Variants in SHANK2 observed in about 807,000 individuals in gnomAD.
The protein encoded by SHANK2 is SH3 and multiple ankyrin repeat domains 2.
SHANK2 carries 43 observed loss-of-function variants against 133.7 expected under a neutral mutation model. The ratio of observed to expected loss-of-function variants is 0.32; its 90% CI spans 0.25 to 0.41. The LOEUF (loss-of-function observed/expected upper bound fraction) is 0.41, where lower values mean the gene tolerates loss of function less well. Ranked by LOEUF, SHANK2 falls within the 10% of genes least tolerant of loss-of-function variation. The pLI, the probability that SHANK2 is intolerant of heterozygous loss-of-function variation, is 1.00. For missense variants in SHANK2, 1,994 were observed against 2,235.8 expected (o/e 0.89, Z 2.18); for synonymous variants, 1,017 against 952.8 (o/e 1.07, Z -1.24).
intron 17 of SHANK2, among the ~76,000 whole-genome samples, chr11:70,584,419 C>T (rs1231752724): frequency 6.6e-6 from 1 of 152,124 alleles, no homozygotes; most frequent in African/African-American, 2.4e-5. Flanking sequence ...GTAAACAGCT[C>T]ACCTGAGAGC....
chr11:71,090,070 T>C (rs1951479343), intron 8 of SHANK2, among the ~76,000 whole-genome samples: 1 of 145,918 alleles, frequency 6.9e-6, no homozygotes, highest in South Asian at 2.2e-4. Flanking sequence ...TCAGTCAGGG[T>C]TCTACAGAGA....
chr11:70,929,220 A>G (rs569233332), intron 10 of SHANK2, among the ~76,000 whole-genome samples: 1 of 152,258 alleles, frequency 6.6e-6, no homozygotes, highest in Non-Finnish European at 1.5e-5. Context: ...TAGAATGGAG[A>G]GACAGGATGC....
chr11:71,218,714 G>A (rs1017360723), intron 2 of SHANK2, among the ~76,000 whole-genome samples: 12 of 152,082 alleles, frequency 7.9e-5, no homozygotes, highest in Admixed American at 5.9e-4. Context: ...AAGGTCTCTC[G>A]ATGGGAAAGA....
chr11:70,561,511 A>T (rs2059908243), intron 17 of SHANK2, among the ~76,000 whole-genome samples: 1 of 151,436 alleles, frequency 6.6e-6, no homozygotes, highest in Non-Finnish European at 1.5e-5. Context: ...CTGTGAGCTT[A>T]ATCACTTCTT....
chr11:70,666,390 A>G (rs1317866777), intron 15 of SHANK2, among the ~76,000 whole-genome samples: 2 of 151,992 alleles, frequency 1.3e-5, no homozygotes, highest in African/African-American at 4.8e-5. Flanking sequence ...GCAATCAGAC[A>G]GGGGGGTCTC....
At position 70,492,340 on chromosome 11, in the gene SHANK2, T is replaced by G. The variant is rs189238798; in HGVS notation, c.2434A>C (p.Met812Leu). Residue 812 changes from methionine to leucine, a missense_variant, in exon 22 of 26, where the codon ATG becomes CTG. Coordinates refer to ENST00000601538, the MANE Select transcript of SHANK2 (RefSeq NM_012309.5). ...SSRCFPAGSD[M>L]NSVYERQGIA... ...CCCAAGGTACGGCCACTCACGTTCA[T>G]GTCTGAGCCCGCCGGGAAGCACCGG... 4 of 1,611,376 alleles carry G rather than the reference T, an allele frequency of 2.5e-6. No homozygotes were observed. The East Asian group carries it at 8.9e-5, about 36-fold the overall frequency.
At chr11:70,732,681 C>T (rs573363058) in intron 14 of SHANK2, among the ~76,000 whole-genome samples, 13 of 152,230 alleles carry the variant, frequency 8.5e-5, no homozygotes, top group Non-Finnish European at 2.9e-5. Flanking sequence ...CTGCAGTGCC[C>T]CAGCCCATGC....
chr11:70,667,373 C>T (rs1205840645), intron 15 of SHANK2, among the ~76,000 whole-genome samples: 1 of 152,186 alleles, frequency 6.6e-6, no homozygotes, highest in Non-Finnish European at 1.5e-5. Flanking sequence ...TTATGGGATA[C>T]ACTTGGAGCA....
At chr11:71,209,034 G>GA (rs57874513) in intron 2 of SHANK2, among the ~76,000 whole-genome samples, 10 of 152,172 alleles carry the variant, frequency 6.6e-5, no homozygotes, top group Non-Finnish European at 1.0e-4. Flanking sequence ...AATGTCAGGG[G>GA]AAAGGTCAGA....
At chr11:71,167,073 C>G (rs1555111028) in intron 2 of SHANK2, among the ~76,000 whole-genome samples, 1 of 151,636 alleles carries the variant, frequency 6.6e-6, no homozygotes, top group Non-Finnish European at 1.5e-5. Flanking sequence ...TGAGTGGACA[C>G]AGCACATGTT....
At chr11:70,929,267 T>C (rs1950470223) in intron 10 of SHANK2, among the ~76,000 whole-genome samples, 1 of 152,212 alleles carries the variant, frequency 6.6e-6, no homozygotes, top group Non-Finnish European at 1.5e-5. Context: ...AGGCACTTAC[T>C]ACTCAACCTC....
At chr11:71,197,636 C>T (rs993022939) in intron 2 of SHANK2, among the ~76,000 whole-genome samples, 1 of 152,200 alleles carries the variant, frequency 6.6e-6, no homozygotes, top group Admixed American at 6.5e-5. Context: ...CTGAAGAGAA[C>T]CTGGCAGGCA....
intron 11 of SHANK2, among the ~76,000 whole-genome samples, chr11:70,895,806 A>G (rs782090134): frequency 6.6e-6 from 1 of 152,040 alleles, no homozygotes; most frequent in African/African-American, 2.4e-5. Flanking sequence ...TGCTTAGCAC[A>G]TTCTCCAGTT....
chr11:70,940,315 C>T (rs1028554257), intron 10 of SHANK2, among the ~76,000 whole-genome samples: 8 of 139,472 alleles, frequency 5.7e-5, no homozygotes, highest in South Asian at 2.5e-4. Flanking sequence ...GGCGCGATCT[C>T]GGCTTACTGC....
chr11:70,874,590 A>T (rs1555070825), intron 11 of SHANK2, among the ~76,000 whole-genome samples: 1 of 152,054 alleles, frequency 6.6e-6, no homozygotes, highest in African/African-American at 2.4e-5. Flanking sequence ...ATATTTTGAA[A>T]GAATGAATGT....
chr11:70,855,533 C>G (rs1342533285), intron 11 of SHANK2, among the ~76,000 whole-genome samples: 7 of 152,228 alleles, frequency 4.6e-5, no homozygotes, highest in Middle Eastern at 6.3e-3. Context: ...ACCAGGGCAT[C>G]TGCTTTAAAA....
intron 10 of SHANK2, among the ~76,000 whole-genome samples, chr11:70,940,237 C>T (rs868962069): frequency 1.7e-5 from 2 of 114,914 alleles, no homozygotes; most frequent in Admixed American, 8.5e-5. Context: ...CTCCCTTCTT[C>T]TCTCTCTCTC....
At chr11:70,602,373 C>T (rs1362319580) in intron 17 of SHANK2, among the ~76,000 whole-genome samples, 1 of 152,254 alleles carries the variant, frequency 6.6e-6, no homozygotes, top group Non-Finnish European at 1.5e-5. Context: ...CGTGGTAGAG[C>T]TGAACACTTG....
intron 2 of SHANK2, among the ~76,000 whole-genome samples, chr11:71,149,242 C>T (rs1555107395): frequency 6.6e-6 from 1 of 152,196 alleles, no homozygotes; most frequent in Non-Finnish European, 1.5e-5. Flanking sequence ...CTTCCCCCGC[C>T]ACTGGTGTGC....
Sources: allele counts gnomAD v4.1 joint callset (sites outside exome capture counted in the v4.1 genomes callset), GRCh38; gene constraint gnomAD v4.1.1; transcripts MANE v1.5; gene names NCBI Gene and HGNC (gene_info 2026-07-23, HGNC 2026-07-21).